FHIT: variants seen among roughly 807,000 people sequenced by gnomAD.
FHIT encodes the protein bis(5'-adenosyl)-triphosphatase.
FHIT carries 19 observed loss-of-function variants against 17.9 expected under a neutral mutation model. That is an observed-to-expected ratio of 1.06 (90% CI 0.74 to 1.56). The LOEUF (loss-of-function observed/expected upper bound fraction) is 1.56. FHIT is among the 40% of genes most tolerant of loss of function. The pLI is 0.00. For synonymous variants in FHIT, 81 were observed against 69.7 expected (o/e 1.16, Z -0.81); for missense variants, 248 against 189.2 (o/e 1.31, Z -1.82).
At chr3:59,990,731 G>A (rs1040698272) in intron 7 of FHIT, among the ~76,000 whole-genome samples, 5 of 151,978 alleles carry the variant, frequency 3.3e-5, no homozygotes, top group Non-Finnish European at 7.4e-5. Flanking sequence ...ACCACTTGGG[G>A]AAAAACAATG....
intron 5 of FHIT, among the ~76,000 whole-genome samples, chr3:60,173,883 T>TAATATATATA (rs1491188344): frequency 3.3e-5 from 1 of 30,278 alleles, no homozygotes; most frequent in Non-Finnish European, 5.6e-5. Flanking sequence ...TCCATGTTTC[T>TAATATATATA]AATATATATA....
At chr3:60,205,676 G>T (rs1703137952) in intron 5 of FHIT, among the ~76,000 whole-genome samples, 1 of 152,064 alleles carries the variant, frequency 6.6e-6, no homozygotes, top group Admixed American at 6.5e-5. Context: ...GAAAACATGG[G>T]AACAAAATGA....
chr3:59,779,117 G>GA (rs1702459908), intron 8 of FHIT, among the ~76,000 whole-genome samples: 1 of 152,170 alleles, frequency 6.6e-6, no homozygotes, highest in South Asian at 2.1e-4. Flanking sequence ...AGCCAGGGAA[G>GA]AAAATCACAT....
intron 5 of FHIT, among the ~76,000 whole-genome samples, chr3:60,434,327 C>T (rs899310581): frequency 3.3e-5 from 5 of 152,038 alleles, no homozygotes; most frequent in African/African-American, 1.2e-4. Context: ...TGTGAATAGT[C>T]ACTTTTAAAG....
At chr3:60,281,679 A>G (rs915962247) in intron 5 of FHIT, among the ~76,000 whole-genome samples, 3 of 152,058 alleles carry the variant, frequency 2.0e-5, no homozygotes, top group Non-Finnish European at 4.4e-5. Flanking sequence ...AATAAACTCA[A>G]AACGCATCAC....
At chr3:60,150,385 C>T (rs1335454330) in intron 5 of FHIT, among the ~76,000 whole-genome samples, 1 of 152,114 alleles carries the variant, frequency 6.6e-6, no homozygotes, top group Non-Finnish European at 1.5e-5. Context: ...CACTGTTGCC[C>T]CTACCCTAGT....
At chr3:60,143,297 C>T (rs998990812) in intron 5 of FHIT, among the ~76,000 whole-genome samples, 3 of 152,198 alleles carry the variant, frequency 2.0e-5, no homozygotes, top group African/African-American at 7.2e-5. Context: ...TCAGTCAAAG[C>T]TTGGTCCTAG....
rs544979729 is a variant in FHIT at position 61,235,165 on chromosome 3, G to A, written c.-213+16136C>T. Among the ~76,000 whole-genome samples, 4 of 152,206 alleles carry A rather than the reference G, an allele frequency of 2.6e-5. No homozygotes were observed. In the East Asian group the frequency reaches 7.7e-4, roughly 29 times the overall value. Reference sequence around the variant, plus strand: ...CATTTTACAGAAAAGGTAGCTATCAGGCAGGTCTGACCTTTTTGCCACCTA... The same window carrying A: ...CATTTTACAGAAAAGGTAGCTATCAAGCAGGTCTGACCTTTTTGCCACCTA... On this transcript the variant is annotated intron_variant, in intron 1 of 9. Coordinates refer to ENST00000492590, the MANE Select transcript of FHIT (RefSeq NM_002012.4).
intron 5 of FHIT, among the ~76,000 whole-genome samples, chr3:60,275,354 C>A (rs531014869): frequency 2.0e-5 from 3 of 152,280 alleles, no homozygotes; most frequent in East Asian, 1.9e-4. Context: ...AAACTCTTGT[C>A]CAATTCCAAT....
At chr3:60,735,471 C>T (rs2042115859) in intron 4 of FHIT, among the ~76,000 whole-genome samples, 1 of 152,134 alleles carries the variant, frequency 6.6e-6, no homozygotes, top group Admixed American at 6.5e-5. Context: ...CAGTACTACT[C>T]AATGCTAAGA....
At chr3:60,351,810 A>G (rs1462439604) in intron 5 of FHIT, among the ~76,000 whole-genome samples, 3 of 152,172 alleles carry the variant, frequency 2.0e-5, no homozygotes, top group Non-Finnish European at 2.9e-5. Context: ...ATTTCCTAAC[A>G]CAACAAAATC....
intron 8 of FHIT, among the ~76,000 whole-genome samples, chr3:59,839,059 C>T (rs1701436886): frequency 6.6e-6 from 1 of 151,960 alleles, no homozygotes; most frequent in African/African-American, 2.4e-5. Context: ...GCTCATGTCC[C>T]CAATCCCAGC....
At chr3:60,335,126 A>C (rs1175408868) in intron 5 of FHIT, among the ~76,000 whole-genome samples, 1 of 152,236 alleles carries the variant, frequency 6.6e-6, no homozygotes, top group East Asian at 1.9e-4. Context: ...AAGGACATTC[A>C]CACAAGATAA....
intron 5 of FHIT, among the ~76,000 whole-genome samples, chr3:60,401,075 A>C (rs1701639359): frequency 6.6e-6 from 1 of 152,150 alleles, no homozygotes; most frequent in African/African-American, 2.4e-5. Flanking sequence ...GAGACACCCA[A>C]TTCTGCAGCC....
chr3:60,346,592 C>CT (rs955495351), intron 5 of FHIT, among the ~76,000 whole-genome samples: 3 of 152,144 alleles, frequency 2.0e-5, no homozygotes, highest in African/African-American at 7.2e-5. Flanking sequence ...AGTTTGTTTT[C>CT]TTTTTTCCTT....
At chr3:60,978,758 A>G (rs572380256) in intron 3 of FHIT, among the ~76,000 whole-genome samples, 1 of 152,346 alleles carries the variant, frequency 6.6e-6, no homozygotes, top group African/African-American at 2.4e-5. Context: ...TGAATGACTA[A>G]AGAGCCTAAA....
intron 1 of FHIT, among the ~76,000 whole-genome samples, chr3:61,229,010 A>C (rs1378919538): frequency 6.6e-6 from 1 of 152,230 alleles, no homozygotes; most frequent in Non-Finnish European, 1.5e-5. Context: ...GATACTGTAG[A>C]GTAGAGCAGA....
At chr3:60,851,421 T>C (rs113655233) in intron 3 of FHIT, among the ~76,000 whole-genome samples, 2 of 152,138 alleles carry the variant, frequency 1.3e-5, no homozygotes, top group African/African-American at 4.8e-5. Flanking sequence ...AGCACTAAGA[T>C]GCTCACACTA....
At chr3:59,981,315 G>A (rs377748438) in intron 7 of FHIT, among the ~76,000 whole-genome samples, 7 of 152,064 alleles carry the variant, frequency 4.6e-5, no homozygotes, top group African/African-American at 1.7e-4. Flanking sequence ...AGAACTGAAC[G>A]CTGTCCTGTC....
Sources: gnomAD v4.1 joint callset for allele counts (sites outside exome capture counted in the v4.1 genomes callset) on GRCh38, gnomAD v4.1.1 for gene constraint, MANE v1.5 for transcripts, NCBI Gene and HGNC (gene_info 2026-07-23, HGNC 2026-07-21) for gene names.